EBF2: variants seen among roughly 807,000 people sequenced by gnomAD.
EBF2 encodes the protein EBF transcription factor 2.
EBF2 carries 21 observed loss-of-function variants against 72.8 expected under a neutral mutation model. That is an observed-to-expected ratio of 0.29 (90% CI 0.20 to 0.42). The LOEUF is 0.42. Among genes scored for constraint, EBF2 ranks in the 10% least tolerant of loss-of-function variants. The pLI is 1.00. For synonymous variants in EBF2, 299 were observed against 274.2 expected (o/e 1.09, Z -0.89); for missense variants, 637 against 731.2 (o/e 0.87, Z 1.49).
intron 5 of EBF2, among the ~76,000 whole-genome samples, chr8:26,034,059 T>C (rs1299643876): frequency 6.6e-6 from 1 of 152,120 alleles, no homozygotes. Context: ...CAGTAAATAA[T>C]TAAAGAAACG....
intron 6 of EBF2, among the ~76,000 whole-genome samples, chr8:25,908,818 C>T (rs1409231818): frequency 6.6e-6 from 1 of 152,126 alleles, no homozygotes; most frequent in Non-Finnish European, 1.5e-5. Flanking sequence ...TGTACACTGG[C>T]CCCCGGAGTT....
intron 6 of EBF2, among the ~76,000 whole-genome samples, chr8:25,971,914 C>A (rs1804196687): frequency 1.3e-5 from 2 of 152,168 alleles, no homozygotes; most frequent in Non-Finnish European, 2.9e-5. Flanking sequence ...CCCTGGGCTG[C>A]AAGGCTGGGC....
At chr8:25,923,886 T>A (rs894915353) in intron 6 of EBF2, among the ~76,000 whole-genome samples, 2 of 152,018 alleles carry the variant, frequency 1.3e-5, no homozygotes, top group Non-Finnish European at 2.9e-5. Context: ...AGTTAGCAGA[T>A]TAATTTTGTT....
At chr8:26,017,671 C>T (rs1805133688) in intron 6 of EBF2, among the ~76,000 whole-genome samples, 1 of 152,220 alleles carries the variant, frequency 6.6e-6, no homozygotes, top group Non-Finnish European at 1.5e-5. Context: ...TGCTTGGAAA[C>T]TCCAGCAAGG....
At chr8:26,004,673 CAAAAAAAAAAAAAAAA>C (rs56848916) in intron 6 of EBF2, among the ~76,000 whole-genome samples, 2 of 45,458 alleles carry the variant, frequency 4.4e-5, no homozygotes, top group African/African-American at 1.0e-4. Context: ...AGACTGTCTC[CAAAAAAAAAAAAAAAA>C]AAAAAAAAAA....
intron 6 of EBF2, among the ~76,000 whole-genome samples, chr8:25,998,112 G>A (rs2117217024): frequency 6.6e-6 from 1 of 152,182 alleles, no homozygotes; most frequent in East Asian, 1.9e-4. Context: ...TGTTTTTTAG[G>A]TCTTCTTAGG....
intron 10 of EBF2, among the ~76,000 whole-genome samples, chr8:25,877,793 A>G (rs959106121): frequency 4.6e-5 from 7 of 152,156 alleles, no homozygotes; most frequent in African/African-American, 1.4e-4. Context: ...GAACGGACCC[A>G]GTCTCGTAAG....
At chr8:25,900,342 C>A (rs1054671239) in intron 7 of EBF2, among the ~76,000 whole-genome samples, 4 of 152,040 alleles carry the variant, frequency 2.6e-5, no homozygotes, top group African/African-American at 9.7e-5. Flanking sequence ...ACCTGTAGTC[C>A]CAGCTACTTG....
chr8:25,933,852 A>G (rs1172320609), intron 6 of EBF2, among the ~76,000 whole-genome samples: 1 of 152,182 alleles, frequency 6.6e-6, no homozygotes, highest in African/African-American at 2.4e-5. Flanking sequence ...GAGATAAGAG[A>G]CAAAACTGGA....
intron 6 of EBF2, among the ~76,000 whole-genome samples, chr8:26,021,145 G>A (rs542699787): frequency 6.6e-6 from 1 of 152,288 alleles, no homozygotes; most frequent in South Asian, 2.1e-4. Flanking sequence ...GAGGTGACAA[G>A]TCCATAAAGC....
intron 6 of EBF2, among the ~76,000 whole-genome samples, chr8:25,985,731 C>T (rs576676852): frequency 6.6e-6 from 1 of 152,128 alleles, no homozygotes. Flanking sequence ...CAGACACGGT[C>T]GCTTATGCCT....
intron 7 of EBF2, among the ~76,000 whole-genome samples, chr8:25,899,411 T>G (rs772887581): frequency 6.6e-6 from 1 of 152,182 alleles, no homozygotes; most frequent in Non-Finnish European, 1.5e-5. Context: ...GGATTTCAAA[T>G]GGTAGATGAG....
Position 25,841,933 on chromosome 8 carries a change from G to A in EBF2, c.*2676C>T, listed in dbSNP as rs1801751336. 6.6e-6 allele frequency: 1 copy of A among 152,172 alleles called. No individual in the cohort carries two copies. The highest frequency in any genetic ancestry group is 1.5e-5 in the Non-Finnish European group (1 of 68,026). 9.4% of individuals were successfully genotyped at this position (152,172 alleles called of 1,614,324 possible). Reference sequence around the variant, plus strand: ...CAAAACAATAAAATGAAACTATACAGTGTGAAAATGAAACCTTACTGTACA... The same window carrying A: ...CAAAACAATAAAATGAAACTATACAATGTGAAAATGAAACCTTACTGTACA... On this transcript the variant is annotated 3_prime_UTR_variant, in exon 16 of 16. Coordinates refer to ENST00000520164, the MANE Select transcript of EBF2 (RefSeq NM_022659.4).
chr8:25,928,123 T>C (rs1803415445), intron 6 of EBF2, among the ~76,000 whole-genome samples: 1 of 152,122 alleles, frequency 6.6e-6, no homozygotes, highest in African/African-American at 2.4e-5. Flanking sequence ...AAGGAATAAA[T>C]TAGAATCTGG....
chr8:26,041,851 G>T (rs575380045), intron 2 of EBF2, among the ~76,000 whole-genome samples: 3 of 152,268 alleles, frequency 2.0e-5, no homozygotes, highest in Admixed American at 6.5e-5. Flanking sequence ...ATAACCAGGC[G>T]CTACTAAGGC....
chr8:26,043,373 C>T (rs1303019633), intron 1 of EBF2, among the ~76,000 whole-genome samples: 2 of 152,252 alleles, frequency 1.3e-5, no homozygotes, highest in Non-Finnish European at 2.9e-5. Context: ...CTGCTCCTTC[C>T]AGCTTCAACA....
chr8:25,934,812 T>TA (rs1365724599), intron 6 of EBF2, among the ~76,000 whole-genome samples: 16 of 152,160 alleles, frequency 1.1e-4, no homozygotes, highest in African/African-American at 3.9e-4. Flanking sequence ...GTCTGCTTTT[T>TA]GAAAAAATCC....
chr8:26,003,373 G>T (rs1204742400), intron 6 of EBF2, among the ~76,000 whole-genome samples: 1 of 152,064 alleles, frequency 6.6e-6, no homozygotes, highest in Non-Finnish European at 1.5e-5. Context: ...TTTTCGAAAT[G>T]TTTCTTACAG....
chr8:25,992,333 C>CAAAAAAAA (rs36020598), intron 6 of EBF2, among the ~76,000 whole-genome samples: 36 of 52,484 alleles, frequency 6.9e-4, no homozygotes, highest in East Asian at 1.5e-3. Context: ...GACTCTGTCT[C>CAAAAAAAA]AAAAAAAAAA....
Sources: allele counts gnomAD v4.1 joint callset (sites outside exome capture counted in the v4.1 genomes callset), GRCh38; gene constraint gnomAD v4.1.1; transcripts MANE v1.5; gene names NCBI Gene and HGNC (gene_info 2026-07-23, HGNC 2026-07-21).